Variants in CSMD3 observed in about 807,000 individuals in gnomAD.
The protein encoded by CSMD3 is CUB and Sushi multiple domains 3.
In CSMD3, 177 loss-of-function variants were observed where a neutral mutation model predicts 435.2. The observed-to-expected ratio is 0.41, with a 90% CI of 0.36 to 0.46. The LOEUF (loss-of-function observed/expected upper bound fraction) is 0.46, where lower values mean the gene tolerates loss of function less well. Ranked by LOEUF, CSMD3 falls within the 20% of genes least tolerant of loss-of-function variation. The probability of loss-of-function intolerance (pLI) is 0.34; values close to 1 mark genes in which losing one functional copy is unlikely to be tolerated. For missense variants in CSMD3, 4,265 were observed against 4,504.6 expected, an observed-to-expected ratio of 0.95 and a Z score of 1.52; for synonymous variants, 1,656 against 1,520.5, an observed-to-expected ratio of 1.09 and a Z score of -2.07.
At chr8:113,332,870 T>C (rs1025519219) in intron 1 of CSMD3, among the ~76,000 whole-genome samples, 1 of 151,702 alleles carries the variant, frequency 6.6e-6, no homozygotes, top group African/African-American at 2.4e-5. Context: ...CTTCCTAATT[T>C]AAAGTGTATT....
intron 63 of CSMD3, among the ~76,000 whole-genome samples, chr8:112,249,189 C>T (rs1191091226): frequency 2.6e-5 from 4 of 152,090 alleles, no homozygotes; most frequent in Non-Finnish European, 5.9e-5. Flanking sequence ...TAAATTTTCC[C>T]TTCATTCACT....
chr8:112,490,267 A>G (rs1820552162), intron 31 of CSMD3, among the ~76,000 whole-genome samples: 1 of 152,186 alleles, frequency 6.6e-6, no homozygotes, highest in Non-Finnish European at 1.5e-5. Flanking sequence ...AGCTTGCCTT[A>G]GGTCACAGGT....
chr8:113,321,793 AT>A (rs975784986), intron 1 of CSMD3, among the ~76,000 whole-genome samples: 100 of 152,292 alleles, frequency 6.6e-4, no homozygotes, highest in African/African-American at 2.3e-3. Flanking sequence ...TGGATAACAG[AT>A]TTTTGTAAAG....
At chr8:112,549,961 A>G (rs1827532995) in intron 27 of CSMD3, among the ~76,000 whole-genome samples, 2 of 152,058 alleles carry the variant, frequency 1.3e-5, no homozygotes, top group East Asian at 3.9e-4. Flanking sequence ...AATCTATTAG[A>G]TAATTTTCTC....
intron 2 of CSMD3, among the ~76,000 whole-genome samples, chr8:113,308,258 CTTTTTTTT>C (rs11440584): frequency 1.5e-5 from 1 of 64,918 alleles, no homozygotes; most frequent in African/African-American, 6.1e-5. Context: ...TCATTTAAGT[CTTTTTTTT>C]TTTTTTTTTT....
chr8:112,573,392 G>T, intron 24 of CSMD3, 109 bp downstream of exon 24: 1 of 985,508 alleles, frequency 1.0e-6, no homozygotes, highest in Non-Finnish European at 1.6e-6. Flanking sequence ...GAAAGGAGCT[G>T]TAAATTAATA....
intron 13 of CSMD3, among the ~76,000 whole-genome samples, chr8:112,733,380 GT>G (rs200334785): frequency 1.2e-3 from 183 of 148,064 alleles, no homozygotes; most frequent in Middle Eastern, 3.6e-3. Context: ...GTGCTTGTTA[GT>G]TTTTTTTTTT....
chr8:112,474,469 AG>A (rs1197448445), intron 31 of CSMD3, among the ~76,000 whole-genome samples: 1 of 152,210 alleles, frequency 6.6e-6, no homozygotes, highest in Non-Finnish European at 1.5e-5. Flanking sequence ...ATAGGGAGGA[AG>A]GAATCATTAC....
At chr8:112,312,504 C>T (rs1183361232) in intron 49 of CSMD3, among the ~76,000 whole-genome samples, 1 of 152,112 alleles carries the variant, frequency 6.6e-6, no homozygotes, top group Non-Finnish European at 1.5e-5. Context: ...AATCCACTCG[C>T]CTCAGCCTCC....
chr8:112,773,395 T>C (rs1182332304), intron 13 of CSMD3, among the ~76,000 whole-genome samples: 1 of 152,008 alleles, frequency 6.6e-6, no homozygotes, highest in African/African-American at 2.4e-5. Context: ...CCTGGTACAA[T>C]CACTCTGAGA....
rs187774796 is a variant in CSMD3 at position 113,171,172 on chromosome 8, G to C, written c.709+2550C>G. The stretch of plus-strand genomic sequence containing the variant: ...AAGTTGGATGATAGAGCTAACATAA[G>C]TAATAAATTGGTATGTAACTGATGT... On this transcript the variant is annotated intron_variant, in intron 4 of 70. Coordinates refer to ENST00000297405, the MANE Select transcript of CSMD3 (RefSeq NM_198123.2). 2.0e-5 allele frequency among the ~76,000 whole-genome samples: 3 copies of C among 152,128 alleles called. No homozygotes were observed. The East Asian group carries it at 5.8e-4, about 29-fold the overall frequency.
intron 35 of CSMD3, among the ~76,000 whole-genome samples, chr8:112,397,462 T>C (rs1165812893): frequency 6.6e-6 from 1 of 152,194 alleles, no homozygotes; most frequent in Non-Finnish European, 1.5e-5. Flanking sequence ...TATGCACTTT[T>C]AAACTGCCTC....
intron 1 of CSMD3, among the ~76,000 whole-genome samples, chr8:113,431,364 T>G (rs562919101): frequency 6.6e-6 from 1 of 152,366 alleles, no homozygotes; most frequent in South Asian, 2.1e-4. Flanking sequence ...TAAAGTGTTC[T>G]TAGATTTTAC....
intron 32 of CSMD3, among the ~76,000 whole-genome samples, chr8:112,416,739 ATTTG>A (rs1331807538): frequency 3.3e-5 from 5 of 152,272 alleles, no homozygotes; most frequent in African/African-American, 7.2e-5. Flanking sequence ...TAATATTTCA[ATTTG>A]TTTGTCATTT....
intron 1 of CSMD3, among the ~76,000 whole-genome samples, chr8:113,429,359 A>G (rs1297336754): frequency 2.6e-5 from 4 of 151,946 alleles, no homozygotes; most frequent in Admixed American, 2.6e-4. Context: ...ACATTTCTCT[A>G]GATTTAAAAG....
At chr8:112,406,311 A>G (rs934300758) in intron 35 of CSMD3, among the ~76,000 whole-genome samples, 1 of 152,146 alleles carries the variant, frequency 6.6e-6, no homozygotes, top group Non-Finnish European at 1.5e-5. Flanking sequence ...GAAATTATTT[A>G]GCTAATTCAA....
chr8:112,816,854 A>T (rs2132414826), intron 12 of CSMD3, among the ~76,000 whole-genome samples: 1 of 151,848 alleles, frequency 6.6e-6, no homozygotes, highest in East Asian at 1.9e-4. Flanking sequence ...TATTATATTA[A>T]CCCAGAAGTG....
chr8:113,234,382 C>A (rs1210894382), intron 3 of CSMD3, among the ~76,000 whole-genome samples: 1 of 152,098 alleles, frequency 6.6e-6, no homozygotes. Context: ...CAATAGATAT[C>A]AACCCATGCC....
chr8:113,195,791 T>TTATATG (rs2092645645), intron 3 of CSMD3, among the ~76,000 whole-genome samples: 1 of 126,044 alleles, frequency 7.9e-6, no homozygotes, highest in Non-Finnish European at 1.6e-5. Flanking sequence ...ATCCTATATT[T>TTATATG]TATATATATA....
Sources: gnomAD v4.1 joint callset for allele counts (sites outside exome capture counted in the v4.1 genomes callset) on GRCh38, gnomAD v4.1.1 for gene constraint, MANE v1.5 for transcripts, NCBI Gene and HGNC (gene_info 2026-07-23, HGNC 2026-07-21) for gene names.